Variants in C10orf53 observed in about 807,000 individuals in gnomAD.
The protein encoded by C10orf53 is UPF0728 protein C10orf53.
C10orf53 carries 8 observed loss-of-function variants against 9.4 expected under a neutral mutation model. The ratio of observed to expected loss-of-function variants is 0.85; its 90% CI spans 0.50 to 1.53. The LOEUF is 1.53. Ranked by LOEUF, C10orf53 falls within the 40% of genes most tolerant of loss-of-function variation. The pLI is 0.00. For synonymous variants in C10orf53, 48 were observed against 46.0 expected (o/e 1.04, Z -0.18); for missense variants, 117 against 117.8 (o/e 0.99, Z 0.03).
intron 1 of C10orf53, among the ~76,000 whole-genome samples, chr10:49,687,619 T>G (rs1353279296): frequency 6.6e-6 from 1 of 152,256 alleles, no homozygotes; most frequent in African/African-American, 2.4e-5. Flanking sequence ...CAATGTGAGA[T>G]TCTGATGAGC....
At chr10:49,694,076 A>G in intron 2 of C10orf53, 183 bp downstream of exon 2, 1 of 772,476 alleles carries the variant, frequency 1.3e-6, no homozygotes, top group Non-Finnish European at 2.0e-6. Flanking sequence ...AAAACCACAC[A>G]GTAAAGTGTG....
At chr10:49,707,997 T>C (rs1051284648) in intron 2 of C10orf53, among the ~76,000 whole-genome samples, 8 of 152,286 alleles carry the variant, frequency 5.3e-5, no homozygotes, top group African/African-American at 1.9e-4. Context: ...GTTCTAAGTG[T>C]TTCTAAATGT....
chr10:49,692,444 A>G (rs542899361), intron 1 of C10orf53, among the ~76,000 whole-genome samples: 23 of 152,376 alleles, frequency 1.5e-4, no homozygotes, highest in African/African-American at 5.5e-4. Flanking sequence ...AAGATGAAGA[A>G]GTGGACACAC....
At chr10:49,680,526 G>A (rs562603499) in intron 1 of C10orf53, among the ~76,000 whole-genome samples, 1 of 152,366 alleles carries the variant, frequency 6.6e-6, no homozygotes, top group Non-Finnish European at 1.5e-5. Flanking sequence ...TTCAATAAAT[G>A]ATGTATTAAT....
chr10:49,698,171 T>G (rs1459633134), downstream of C10orf53, among the ~76,000 whole-genome samples: 1 of 152,174 alleles, frequency 6.6e-6, no homozygotes, highest in Non-Finnish European at 1.5e-5. Flanking sequence ...GCACCTGTAG[T>G]CCCAGCTATT....
chr10:49,693,844 G>A lies in C10orf53; in HGVS notation c.168G>A (p.Met56Ile). 6.2e-7 allele frequency: 1 copy of A among 1,614,184 alleles called. No homozygotes were observed. Among genetic ancestry groups the A allele is most frequent in the Non-Finnish European group, 8.5e-7 (1 of 1,179,982 alleles). Residue 56 changes from methionine to isoleucine, a missense_variant, in exon 2 of 3, where the codon ATG (methionine) becomes ATA (isoleucine). Physicochemically the swap from Met to Ile is conservative, Grantham distance 10. Coordinates refer to ENST00000374111, the MANE Select transcript of C10orf53 (RefSeq NM_001042427.3). ...AAGACTGGAATGTGGTGGAACTCAT[G>A]GTGAATGAAGAAGTCATCTTCCACT... ...KIEDWNVVEL[M>I]VNEEVIFHCN...
At chr10:49,688,203 C>G (rs1840547540) in intron 1 of C10orf53, among the ~76,000 whole-genome samples, 1 of 152,114 alleles carries the variant, frequency 6.6e-6, no homozygotes, top group African/African-American at 2.4e-5. Context: ...CCCACTTTCC[C>G]TCTCCACTGC....
At chr10:49,691,895 C>T (rs1003800974) in intron 1 of C10orf53, among the ~76,000 whole-genome samples, 1 of 152,208 alleles carries the variant, frequency 6.6e-6, no homozygotes, top group Non-Finnish European at 1.5e-5. Flanking sequence ...AGTGGCAGCA[C>T]CTTGCCTCAC....
chr10:49,683,826 G>T (rs1840502494), intron 1 of C10orf53, among the ~76,000 whole-genome samples: 1 of 152,148 alleles, frequency 6.6e-6, no homozygotes, highest in South Asian at 2.1e-4. Flanking sequence ...AGCCCTGGAG[G>T]CCGAGGTTGC....
At chr10:49,680,317 T>C (rs1337193394) in intron 1 of C10orf53, among the ~76,000 whole-genome samples, 1 of 152,122 alleles carries the variant, frequency 6.6e-6, no homozygotes, top group Non-Finnish European at 1.5e-5. Flanking sequence ...GGTGGTGCCA[T>C]GGGAGCTAAC....
At chr10:49,708,005 T>C (rs73305329) in intron 2 of C10orf53, among the ~76,000 whole-genome samples, 6,451 of 152,228 alleles carry the variant, frequency 0.042, 508 homozygotes, top group African/African-American at 0.15. Flanking sequence ...TGTTTCTAAA[T>C]GTATTTCTGT....
intron 1 of C10orf53, among the ~76,000 whole-genome samples, chr10:49,682,632 G>A (rs993086040): frequency 2.0e-5 from 3 of 152,148 alleles, no homozygotes; most frequent in Non-Finnish European, 2.9e-5. Flanking sequence ...AGTTGGTCCC[G>A]CCCATGTCCT....
At chr10:49,685,123 C>T (rs1213488809) in intron 1 of C10orf53, among the ~76,000 whole-genome samples, 1 of 152,150 alleles carries the variant, frequency 6.6e-6, no homozygotes, top group Non-Finnish European at 1.5e-5. Flanking sequence ...CTCTCTCAAA[C>T]ACACACATAC....
intron 2 of C10orf53, among the ~76,000 whole-genome samples, chr10:49,704,042 A>G (rs898217768): frequency 2.6e-5 from 4 of 152,234 alleles, no homozygotes; most frequent in Non-Finnish European, 4.4e-5. Flanking sequence ...TTATCCTACT[A>G]TAAACTCCAG....
chr10:49,699,188 A>ATT (rs1210027084), downstream of C10orf53, among the ~76,000 whole-genome samples: 15 of 47,816 alleles, frequency 3.1e-4, no homozygotes, highest in South Asian at 2.0e-3. Context: ...TGGTGGCTCA[A>ATT]TCTTTTTTTT....
At chr10:49,701,582 C>T (rs2132889574), downstream of C10orf53, among the ~76,000 whole-genome samples, 1 of 152,240 alleles carries the variant, frequency 6.6e-6, no homozygotes, top group African/African-American at 2.4e-5. Context: ...TCAAAGTAAA[C>T]CATAGTCTTT....
chr10:49,702,781 C>G (rs901604577), intron 2 of C10orf53, among the ~76,000 whole-genome samples: 2 of 152,062 alleles, frequency 1.3e-5, no homozygotes, highest in African/African-American at 2.4e-5. Flanking sequence ...GTTTCTCTGG[C>G]GAACCCTGAC....
chr10:49,681,757 C>T (rs907689774), intron 1 of C10orf53, among the ~76,000 whole-genome samples: 3 of 152,154 alleles, frequency 2.0e-5, no homozygotes, highest in Non-Finnish European at 4.4e-5. Context: ...GAGCGGGGAG[C>T]AAGCTCACTG....
chr10:49,687,259 T>A (rs1840537480), intron 1 of C10orf53, among the ~76,000 whole-genome samples: 2 of 152,230 alleles, frequency 1.3e-5, no homozygotes, highest in Non-Finnish European at 2.9e-5. Flanking sequence ...ATTAGATCAT[T>A]TACATACCAA....
Sources: gnomAD v4.1 joint callset for allele counts (sites outside exome capture counted in the v4.1 genomes callset) on GRCh38, gnomAD v4.1.1 for gene constraint, MANE v1.5 for transcripts, NCBI Gene and HGNC (gene_info 2026-07-23, HGNC 2026-07-21) for gene names.